Variants in DGKH observed in about 807,000 individuals in gnomAD.
DGKH encodes DAG kinase eta.
DGKH carries 90 observed loss-of-function variants against 159.3 expected under a neutral mutation model. The observed-to-expected ratio is 0.57, with a 90% CI of 0.48 to 0.67. DGKH has a LOEUF of 0.67. DGKH is among the 30% of genes least tolerant of loss of function. The probability of loss-of-function intolerance (pLI) is 0.00; values close to 1 mark genes in which losing one functional copy is unlikely to be tolerated. For missense variants in DGKH, 1,181 were observed against 1,506.1 expected (o/e 0.78, Z 3.57); for synonymous variants, 536 against 553.8 (o/e 0.97, Z 0.45).
chr13:42,097,239 C>T (rs978485662), intron 1 of DGKH, among the ~76,000 whole-genome samples: 10 of 152,136 alleles, frequency 6.6e-5, no homozygotes, highest in African/African-American at 2.4e-4. Flanking sequence ...TTTCTCTGGT[C>T]TTTCTTTTTG....
At chr13:42,119,360 A>G (rs1011279426) in intron 1 of DGKH, among the ~76,000 whole-genome samples, 2 of 152,250 alleles carry the variant, frequency 1.3e-5, no homozygotes, top group African/African-American at 2.4e-5. Context: ...AAAGACTAGC[A>G]TGATGTCACA....
At chr13:42,119,640 T>C (rs1955029261) in intron 1 of DGKH, among the ~76,000 whole-genome samples, 1 of 152,238 alleles carries the variant, frequency 6.6e-6, no homozygotes, top group African/African-American at 2.4e-5. Flanking sequence ...AGTGTTGTAA[T>C]CTCTTCTTTT....
chr13:42,226,390 A>G (rs1958133347), intron 29 of DGKH, among the ~76,000 whole-genome samples: 1 of 152,196 alleles, frequency 6.6e-6, no homozygotes, highest in East Asian at 1.9e-4. Context: ...CAGTGTGGCA[A>G]TCCCTCAAAG....
Position 42,235,316 on chromosome 13 carries a change from G to T in DGKH, c.*6128G>T, listed in dbSNP as rs968936950. 2.0e-5 allele frequency: 3 copies of T among 152,030 alleles called. No homozygotes were observed. Among genetic ancestry groups the T allele is most frequent in the East Asian group, 1.9e-4 (1 of 5,196 alleles). The allele number at this position is 152,030 out of a possible 1,614,324, so 9.4% of individuals were successfully genotyped here. ...ATGAAAACCAAGCTACTACTTAAAA[G>T]TTATTAAAAACTTCACATAAAATAT... On this transcript the variant is annotated 3_prime_UTR_variant, in exon 30 of 30. Coordinates refer to ENST00000337343, the MANE Select transcript of DGKH (RefSeq NM_178009.5).
At chr13:42,096,768 G>A (rs1011108972) in intron 1 of DGKH, among the ~76,000 whole-genome samples, 2 of 152,204 alleles carry the variant, frequency 1.3e-5, no homozygotes, top group Non-Finnish European at 2.9e-5. Context: ...CAAGATGGAG[G>A]TATCATCATT....
At chr13:42,073,888 A>G (rs1475209034) in intron 1 of DGKH, among the ~76,000 whole-genome samples, 1 of 152,214 alleles carries the variant, frequency 6.6e-6, no homozygotes, top group Non-Finnish European at 1.5e-5. Context: ...GTCGTGCACC[A>G]GGAAAAGGAT....
intron 28 of DGKH, among the ~76,000 whole-genome samples, chr13:42,220,898 G>A (rs914586532): frequency 5.9e-5 from 9 of 152,134 alleles, no homozygotes; most frequent in Non-Finnish European, 8.8e-5. Context: ...GTCTATAGCC[G>A]TTTTCATACA....
chr13:42,207,157 CCTTCCTTCCT>C (rs1566192821), intron 21 of DGKH, among the ~76,000 whole-genome samples: 31 of 78,738 alleles, frequency 3.9e-4, no homozygotes, highest in African/African-American at 6.3e-4. Flanking sequence ...TTCCTTCCTT[CCTTCCTTCCT>C]TCCTTCCTTC....
At chr13:42,055,349 C>T (rs1474580058) in intron 1 of DGKH, among the ~76,000 whole-genome samples, 1 of 152,098 alleles carries the variant, frequency 6.6e-6, no homozygotes, top group African/African-American at 2.4e-5. Flanking sequence ...TTAATGTGAA[C>T]TAAATATAGA....
At chr13:42,250,760 A>G (rs1054147147) in intron 29 of DGKH, among the ~76,000 whole-genome samples, 2 of 152,252 alleles carry the variant, frequency 1.3e-5, no homozygotes, top group African/African-American at 2.4e-5. Flanking sequence ...TAAGCATCTC[A>G]TGGCTACTAT....
At chr13:42,172,470 A>G (rs73187294) in intron 11 of DGKH, among the ~76,000 whole-genome samples, 12,354 of 152,226 alleles carry the variant, frequency 0.081, 611 homozygotes, top group Middle Eastern at 0.14. Context: ...ATGTATGTCT[A>G]TTGGGGGGCT....
intron 1 of DGKH, among the ~76,000 whole-genome samples, chr13:42,088,893 A>G (rs1415535448): frequency 6.6e-6 from 1 of 152,214 alleles, no homozygotes; most frequent in Non-Finnish European, 1.5e-5. Context: ...ACAAAGATAC[A>G]GATGTTTTAA....
At chr13:42,167,226 C>G (rs1403423704) in intron 9 of DGKH, among the ~76,000 whole-genome samples, 1 of 151,890 alleles carries the variant, frequency 6.6e-6, no homozygotes, top group Non-Finnish European at 1.5e-5. Context: ...GAAAATATAC[C>G]TTTTGGCACT....
rs1195745057 is a variant in DGKH at position 42,234,163 on chromosome 13, G to T, written c.*4975G>T. ...TTAATTTTATAAGATTTTTCCCAATGAGACTTATTTTCAGGAATCCTTCTC... is the reference window on the plus strand; with the variant it reads ...TTAATTTTATAAGATTTTTCCCAATTAGACTTATTTTCAGGAATCCTTCTC... On this transcript the variant is annotated 3_prime_UTR_variant, in exon 30 of 30. Coordinates refer to ENST00000337343, the MANE Select transcript of DGKH (RefSeq NM_178009.5). 6.6e-6 allele frequency: 1 copy of T among 151,930 alleles called. No individual in the cohort carries two copies. The highest frequency in any genetic ancestry group is 1.9e-4 in the East Asian group (1 of 5,196). The allele number at this position is 151,930 out of a possible 1,614,324, so 9.4% of individuals were successfully genotyped here.
At chr13:42,072,506 A>G (rs1169407999) in intron 1 of DGKH, among the ~76,000 whole-genome samples, 1 of 152,246 alleles carries the variant, frequency 6.6e-6, no homozygotes, top group Non-Finnish European at 1.5e-5. Flanking sequence ...AGTAAATAAA[A>G]TCAGCATCTA....
intron 3 of DGKH, among the ~76,000 whole-genome samples, chr13:42,135,507 A>AAAAAAAG (rs71096557): frequency 3.5e-5 from 4 of 113,402 alleles, no homozygotes; most frequent in African/African-American, 1.1e-4. Flanking sequence ...AAAAAAAAAA[A>AAAAAAAG]AGAGAGAGAG....
At position 42,048,914 on chromosome 13, in the gene DGKH, A is replaced by G. The variant is rs753591404; in HGVS notation, c.141A>G (p.Gly47=). The G allele has an allele frequency of 1.5e-5, 20 of 1,338,206 alleles. No homozygotes were observed. The highest frequency in any genetic ancestry group is 1.9e-5 in the Non-Finnish European group (20 of 1,037,026). 82.9% of individuals were successfully genotyped at this position (1,338,206 alleles called of 1,614,324 possible). ...CTGACAGCGAAGCGGAGCAAGAGGG[A>G]CCCCAGAAACTGATCCGCAAAGTGT... The part of the protein sequence containing the change: ...DSSDSEAEQE[G]PQKLIRKVST... Residue 47 remains glycine (G), a synonymous_variant, in exon 1 of 30, where the codon GGA becomes GGG. Coordinates refer to ENST00000337343, the MANE Select transcript of DGKH (RefSeq NM_178009.5). The surrounding 1 kb of genome is among the most constrained non-coding windows in gnomAD (Gnocchi z 6.7).
rs907077369 is a variant in DGKH at position 42,238,978 on chromosome 13, G to A, written c.*9790G>A. The stretch of plus-strand genomic sequence containing the variant: ...CCCCAAAAATGTTGGAATGCCATAT[G>A]ATACAGGGAAAAGATTGGAGTTCAT... On this transcript the variant is annotated 3_prime_UTR_variant, in exon 30 of 30. Transcript: ENST00000337343. 2.0e-5 allele frequency: 3 copies of A among 152,064 alleles called. No homozygotes were observed. The highest frequency in any genetic ancestry group is 7.2e-5 in the African/African-American group (3 of 41,414). The allele number at this position is 152,064 out of a possible 1,614,324, so 9.4% of individuals were successfully genotyped here.
intron 1 of DGKH, among the ~76,000 whole-genome samples, chr13:42,084,955 T>C (rs554547535): frequency 6.6e-6 from 1 of 152,102 alleles, no homozygotes; most frequent in Admixed American, 6.6e-5. Flanking sequence ...TAAATAGATA[T>C]GTATGCATTC....
Sources: gnomAD v4.1 joint callset for allele counts (sites outside exome capture counted in the v4.1 genomes callset) on GRCh38, gnomAD v4.1.1 for gene constraint, Gnocchi (gnomAD v3.1) non-coding constraint, MANE v1.5 for transcripts, NCBI Gene and HGNC (gene_info 2026-07-23, HGNC 2026-07-21) for gene names.